PRIMA1: variants seen among roughly 807,000 people sequenced by gnomAD.
PRIMA1 encodes the protein proline-rich membrane anchor 1.
In PRIMA1, 7 loss-of-function variants were observed where a neutral mutation model predicts 17.5. The ratio of observed to expected loss-of-function variants is 0.40; its 90% CI spans 0.23 to 0.75. The LOEUF is 0.75. Ranked by LOEUF, PRIMA1 falls within the 30% of genes least tolerant of loss-of-function variation. The probability of loss-of-function intolerance (pLI) is 0.37; values close to 1 mark genes in which losing one functional copy is unlikely to be tolerated. For synonymous variants in PRIMA1, 97 were observed against 77.9 expected, an observed-to-expected ratio of 1.25 and a Z score of -1.29; for missense variants, 200 against 201.8, an observed-to-expected ratio of 0.99 and a Z score of 0.05.
chr14:93,737,992 A>C (rs765002448), intron 3 of PRIMA1, among the ~76,000 whole-genome samples: 2 of 152,240 alleles, frequency 1.3e-5, no homozygotes, highest in African/African-American at 2.4e-5. Context: ...GGGAGGAAGG[A>C]AAGAAAGGGA....
At chr14:93,744,560 C>A (rs1353885457) in intron 3 of PRIMA1, among the ~76,000 whole-genome samples, 1 of 152,240 alleles carries the variant, frequency 6.6e-6, no homozygotes, top group Non-Finnish European at 1.5e-5. Context: ...GACCTCGATG[C>A]CTTGGCCAGC....
chr14:93,768,795 T>C (rs1474165605), intron 3 of PRIMA1, among the ~76,000 whole-genome samples: 1 of 143,458 alleles, frequency 7.0e-6, no homozygotes, highest in African/African-American at 2.6e-5. Flanking sequence ...AAAAAAGATA[T>C]GATCACTTTT....
intron 4 of PRIMA1, among the ~76,000 whole-genome samples, chr14:93,722,390 T>A (rs1367050275): frequency 6.9e-6 from 1 of 145,682 alleles, no homozygotes; most frequent in African/African-American, 2.6e-5. Flanking sequence ...GGGGTGATGG[T>A]GGTAGTGGTG....
intron 3 of PRIMA1, among the ~76,000 whole-genome samples, chr14:93,748,302 A>G (rs2076238850): frequency 6.6e-6 from 1 of 151,866 alleles, no homozygotes; most frequent in African/African-American, 2.4e-5. Flanking sequence ...CTGAGATTGA[A>G]CCCAGACAGT....
rs149050849 is a variant in PRIMA1, at chr14:93,732,745, A to G, written c.359+4496T>C. On this transcript the variant is annotated intron_variant, in intron 4 of 4. Transcript: ENST00000393140. ...GATGGGGACACAAAAGGCTGCTCGG[A>G]GATTGTCATTTCAGAGAGGGAAAAC... is the stretch of plus-strand genomic sequence containing the variant. 1.4e-3 allele frequency among the ~76,000 whole-genome samples: 210 copies of G among 152,260 alleles called. 2 individuals are homozygous for G. Among genetic ancestry groups the G allele is most frequent in the Non-Finnish European group, 2.9e-4 (20 of 68,006 alleles).
intron 4 of PRIMA1, among the ~76,000 whole-genome samples, chr14:93,736,283 G>T (rs1179587966): frequency 6.6e-6 from 1 of 152,184 alleles, no homozygotes; most frequent in Non-Finnish European, 1.5e-5. Context: ...CTCACCAGTT[G>T]TGCCACCCTG....
chr14:93,736,761 A>T (rs1340426597), intron 4 of PRIMA1, among the ~76,000 whole-genome samples: 4 of 152,264 alleles, frequency 2.6e-5, no homozygotes, highest in Admixed American at 6.5e-5. Flanking sequence ...AAACTTAAAT[A>T]TTTTAGATGT....
intron 4 of PRIMA1, among the ~76,000 whole-genome samples, 161 bp downstream of exon 4, chr14:93,737,080 C>T (rs2076154224): frequency 6.6e-6 from 1 of 152,134 alleles, no homozygotes; most frequent in African/African-American, 2.4e-5. Context: ...ACTGTTGAAT[C>T]GGGGTGAGGG....
chr14:93,737,511 C>T (rs922261567), intron 3 of PRIMA1, 141 bp from the exon 4 acceptor site: 7 of 938,926 alleles, frequency 7.5e-6, no homozygotes, highest in African/African-American at 3.4e-5. Flanking sequence ...CCAACAGAGG[C>T]GTGGGGAGGT....
At chr14:93,736,580 G>T (rs551715530) in intron 4 of PRIMA1, among the ~76,000 whole-genome samples, 1 of 152,234 alleles carries the variant, frequency 6.6e-6, no homozygotes, top group South Asian at 2.1e-4. Flanking sequence ...GGGCCCTGCC[G>T]CCAGGTGTCC....
At chr14:93,765,233 C>T (rs551989135) in intron 3 of PRIMA1, among the ~76,000 whole-genome samples, 3 of 152,062 alleles carry the variant, frequency 2.0e-5, no homozygotes, top group East Asian at 3.9e-4. Flanking sequence ...TCCCTACTTC[C>T]TTTCTCTTCC....
intron 3 of PRIMA1, among the ~76,000 whole-genome samples, chr14:93,738,357 A>T (rs2076164563): frequency 6.6e-6 from 1 of 152,116 alleles, no homozygotes; most frequent in African/African-American, 2.4e-5. Context: ...ACACAACTGG[A>T]AAGGAGTGCC....
chr14:93,748,867 G>A (rs567380453), intron 3 of PRIMA1, among the ~76,000 whole-genome samples: 30 of 152,154 alleles, frequency 2.0e-4, no homozygotes, highest in Middle Eastern at 3.4e-3. Flanking sequence ...ATTAGGAAAG[G>A]AAAATTATGA....
chr14:93,747,876 G>A (rs958860665), intron 3 of PRIMA1, among the ~76,000 whole-genome samples: 4 of 148,158 alleles, frequency 2.7e-5, no homozygotes, highest in Non-Finnish European at 5.9e-5. Context: ...AGTGGGGACT[G>A]AGTGGGAGAG....
chr14:93,780,843 C>CA (rs1482208731), intron 2 of PRIMA1, among the ~76,000 whole-genome samples: 1 of 152,330 alleles, frequency 6.6e-6, no homozygotes, highest in South Asian at 2.1e-4. Context: ...TTTAAAAGCA[C>CA]AAAGAGTTGC....
At chr14:93,783,088 A>C (rs1885427969) in intron 2 of PRIMA1, among the ~76,000 whole-genome samples, 1 of 152,236 alleles carries the variant, frequency 6.6e-6, no homozygotes, top group Non-Finnish European at 1.5e-5. Flanking sequence ...TTTATTCTGC[A>C]AACACTTCTG....
At chr14:93,770,992 A>G (rs187570368) in intron 3 of PRIMA1, among the ~76,000 whole-genome samples, 1 of 152,342 alleles carries the variant, frequency 6.6e-6, no homozygotes. Flanking sequence ...CAAGTCATTA[A>G]TTACATATTT....
intron 3 of PRIMA1, among the ~76,000 whole-genome samples, chr14:93,743,763 A>T (rs2076198561): frequency 6.6e-6 from 1 of 152,236 alleles, no homozygotes; most frequent in Non-Finnish European, 1.5e-5. Context: ...CTTCAGGGAC[A>T]GTCTCATGGC....
chr14:93,737,767 T>C (rs2076160436), intron 3 of PRIMA1, among the ~76,000 whole-genome samples: 1 of 152,192 alleles, frequency 6.6e-6, no homozygotes, highest in South Asian at 2.1e-4. Context: ...CAGGCTGGCC[T>C]CTGAGCGCCT....
Sources: gnomAD v4.1 joint callset for allele counts (sites outside exome capture counted in the v4.1 genomes callset) on GRCh38, gnomAD v4.1.1 for gene constraint, MANE v1.5 for transcripts, NCBI Gene and HGNC (gene_info 2026-07-23, HGNC 2026-07-21) for gene names.